MITF: variants seen among roughly 807,000 people sequenced by gnomAD.
MITF encodes the protein melanocyte inducing transcription factor.
In MITF, 17 loss-of-function variants were observed where a neutral mutation model predicts 60.5. The ratio of observed to expected loss-of-function variants is 0.28; its 90% CI spans 0.19 to 0.42. MITF has a LOEUF of 0.42. Among genes scored for constraint, MITF ranks in the 10% least tolerant of loss-of-function variants. MITF has a pLI of 1.00. For synonymous variants in MITF, 260 were observed against 248.5 expected, an observed-to-expected ratio of 1.05 and a Z score of -0.43; for missense variants, 622 against 683.5, an observed-to-expected ratio of 0.91 and a Z score of 1.00.
chr3:69,823,126 A>G (rs1816313), intron 1 of MITF, among the ~76,000 whole-genome samples: 152,087 of 152,248 alleles, frequency 1, 75,963 homozygotes, highest in East Asian at 1. Context: ...TGATCTGCCC[A>G]CCTCTGCCTC....
chr3:69,903,204 G>A (rs1233608110), intron 2 of MITF, among the ~76,000 whole-genome samples: 1 of 152,140 alleles, frequency 6.6e-6, no homozygotes, highest in Non-Finnish European at 1.5e-5. Flanking sequence ...GCTAATCTTT[G>A]GACTGCTCTG....
In MITF at chr3:69,851,656, G is replaced by A. The variant is rs111279321; in HGVS notation, c.105-27478G>A. 3.6e-3 allele frequency among the ~76,000 whole-genome samples: 552 copies of A among 152,266 alleles called. 6 individuals are homozygous for A. Among genetic ancestry groups the A allele is most frequent in the African/African-American group, 0.012 (512 of 41,538 alleles). ...AGGTGGTTTCTGGGATTGGAGATGG[G>A]GGCTGTTTTGACTACAAAGGAGTAG... On this transcript the variant is annotated intron_variant, in intron 1 of 9. Coordinates refer to ENST00000352241, the MANE Select transcript of MITF (RefSeq NM_001354604.2).
intron 1 of MITF, among the ~76,000 whole-genome samples, chr3:69,785,524 G>C (rs1251127314): frequency 6.6e-6 from 1 of 152,160 alleles, no homozygotes; most frequent in African/African-American, 2.4e-5. Context: ...TTTAACCATA[G>C]TACCATACTC....
chr3:69,789,037 A>G (rs2062697495), intron 1 of MITF, among the ~76,000 whole-genome samples: 1 of 152,204 alleles, frequency 6.6e-6, no homozygotes, highest in South Asian at 2.1e-4. Context: ...GAACTTAGCA[A>G]TGATTTATTG....
At chr3:69,896,577 G>A (rs958055179) in intron 2 of MITF, among the ~76,000 whole-genome samples, 4 of 152,114 alleles carry the variant, frequency 2.6e-5, no homozygotes, top group South Asian at 2.1e-4. Context: ...GTTGTTATTC[G>A]TGCTCCGGTT....
chr3:69,903,788 G>C (rs1473006798), intron 2 of MITF, among the ~76,000 whole-genome samples: 1 of 152,128 alleles, frequency 6.6e-6, no homozygotes, highest in East Asian at 1.9e-4. Context: ...AGCATGGTGG[G>C]TGTTTGGGCA....
intron 1 of MITF, among the ~76,000 whole-genome samples, chr3:69,852,714 A>G (rs977598196): frequency 6.6e-6 from 1 of 152,222 alleles, no homozygotes; most frequent in Non-Finnish European, 1.5e-5. Flanking sequence ...GCACATGTTC[A>G]GCTTTTGGTA....
At chr3:69,752,085 C>T (rs1336373732) in intron 1 of MITF, 2 of 152,206 alleles carry the variant, frequency 1.3e-5, no homozygotes, top group Admixed American at 1.3e-4. Flanking sequence ...CAGCATCATG[C>T]TTTCTGTGGA....
intron 5 of MITF, among the ~76,000 whole-genome samples, chr3:69,947,806 G>T (rs1421701189): frequency 6.6e-6 from 1 of 152,018 alleles, no homozygotes; most frequent in Non-Finnish European, 1.5e-5. Context: ...TTTAGCTAGG[G>T]GTTTAATTCA....
intron 9 of MITF, among the ~76,000 whole-genome samples, chr3:69,962,924 G>T (rs2066586211): frequency 6.6e-6 from 1 of 152,154 alleles, no homozygotes; most frequent in South Asian, 2.1e-4. Flanking sequence ...AGATCAAGTT[G>T]TCAGCAGGGT....
At chr3:69,863,086 C>G (rs1178712010) in intron 1 of MITF, among the ~76,000 whole-genome samples, 2 of 152,064 alleles carry the variant, frequency 1.3e-5, no homozygotes, top group African/African-American at 4.8e-5. Context: ...AAGACAGTTG[C>G]TTACATATTA....
intron 1 of MITF, among the ~76,000 whole-genome samples, chr3:69,794,155 T>C (rs138518419): frequency 2.0e-4 from 31 of 152,302 alleles, no homozygotes; most frequent in African/African-American, 7.2e-4. Flanking sequence ...AATAGCCCCA[T>C]TGGGAAGATC....
intron 1 of MITF, among the ~76,000 whole-genome samples, chr3:69,748,088 T>C (rs1283540869): frequency 6.6e-6 from 1 of 151,950 alleles, no homozygotes; most frequent in Non-Finnish European, 1.5e-5. Context: ...AAGAAGAAGC[T>C]CTCCTCCCAC....
At chr3:69,837,228 C>T (rs569721034) in intron 1 of MITF, among the ~76,000 whole-genome samples, 7 of 152,282 alleles carry the variant, frequency 4.6e-5, no homozygotes, top group African/African-American at 1.4e-4. Context: ...CCTCTACATT[C>T]ATTAGAAGGG....
At position 69,963,970 on chromosome 3, in the gene MITF, C is replaced by CTTTTTTTTTTTTT. The variant is rs56921812; in HGVS notation, c.1180-866_1180-854dup. 9.3e-4 allele frequency among the ~76,000 whole-genome samples: 80 copies of CTTTTTTTTTTTTT among 86,108 alleles called. 1 individual carries two copies. The highest frequency in any genetic ancestry group is 1.6e-3 in the African/African-American group (33 of 20,792). 56.5% of individuals were successfully genotyped at this position (86,108 alleles called of 152,430 possible). On this transcript the variant is annotated intron_variant, in intron 9 of 9. Transcript: ENST00000352241. ...ACTGAATATGTTTCTTTTTTCTTTT[C>CTTTTTTTTTTTTT]TTTTTTTTTTTTTTTTTTTTTTTGA...
In MITF at chr3:69,964,707, GGTATTGTACATTTTGTGGGTTTGGCCAAA is replaced by G. The variant is rs1327906997; in HGVS notation, c.1180-139_1180-111del. On this transcript the variant is annotated intron_variant, in intron 9 of 9. Coordinates refer to ENST00000352241, the MANE Select transcript of MITF (RefSeq NM_001354604.2). The stretch of plus-strand genomic sequence containing the variant: ...AAAGTCTATACTTTACATTCCCTCT[GGTATTGTACATTTTGTGGGTTTGGCCAAA>G]TGTCTAATGACGCGCATCTACCATT... 96 of 366,572 alleles carry G rather than the reference GGTATTGTACATTTTGTGGGTTTGGCCAAA, an allele frequency of 2.6e-4. 45 individuals are homozygous for G. Among genetic ancestry groups the G allele is most frequent in the African/African-American group, 1.9e-3 (46 of 24,294 alleles). The allele number at this position is 366,572 out of a possible 1,614,324, so 22.7% of individuals were successfully genotyped here. A position where few individuals can be genotyped will look rare whatever the true frequency, so the allele number is the denominator to read the frequency against.
intron 2 of MITF, among the ~76,000 whole-genome samples, chr3:69,903,553 G>A (rs1239544001): frequency 6.6e-6 from 1 of 152,020 alleles, no homozygotes; most frequent in African/African-American, 2.4e-5. Context: ...AGGTAGCTAG[G>A]GTCATCTTCT....
chr3:69,930,187 A>G (rs1236542804), intron 2 of MITF, among the ~76,000 whole-genome samples: 2 of 152,092 alleles, frequency 1.3e-5, no homozygotes, highest in Non-Finnish European at 2.9e-5. Context: ...TCTGGTTCTC[A>G]GAGACCTCTG....
chr3:69,855,260 C>CAAAAAAA (rs33962275), intron 1 of MITF, among the ~76,000 whole-genome samples: 8 of 84,594 alleles, frequency 9.5e-5, no homozygotes, highest in Non-Finnish European at 1.4e-4. Flanking sequence ...TTCCCATAAG[C>CAAAAAAA]AAAAAAAAAA....
Sources: allele counts gnomAD v4.1 joint callset (sites outside exome capture counted in the v4.1 genomes callset), GRCh38; gene constraint gnomAD v4.1.1; transcripts MANE v1.5; gene names NCBI Gene and HGNC (gene_info 2026-07-23, HGNC 2026-07-21).